Variants in NEMP2 observed in about 807,000 individuals in gnomAD.
NEMP2 encodes nuclear envelope integral membrane protein 2, also known as UPF0571 transmembrane protein.
A neutral mutation model predicts 54.2 loss-of-function variants in NEMP2; 53 were observed. That is an observed-to-expected ratio of 0.98 (90% CI 0.78 to 1.23). The LOEUF (loss-of-function observed/expected upper bound fraction) is 1.23, where lower values mean the gene tolerates loss of function less well. NEMP2 is among the 50% of genes most tolerant of loss of function. NEMP2 has a pLI of 0.00. For synonymous variants in NEMP2, 197 were observed against 190.3 expected, an observed-to-expected ratio of 1.04 and a Z score of -0.29; for missense variants, 455 against 511.3, an observed-to-expected ratio of 0.89 and a Z score of 1.06.
the NEMP2 span, among the ~76,000 whole-genome samples, chr2:190,442,393 C>G: frequency 6.6e-6 from 1 of 151,962 alleles, no homozygotes. Flanking sequence ...GGATCAGTAA[C>G]CTGAATTTCA....
the NEMP2 span, among the ~76,000 whole-genome samples, chr2:190,579,402 G>C: frequency 6.6e-6 from 1 of 151,958 alleles, no homozygotes; most frequent in South Asian, 2.1e-4. Flanking sequence ...ACATATTCAA[G>C]TGGAGCGAAG....
chr2:190,618,165 A>T, the NEMP2 span, among the ~76,000 whole-genome samples: 1 of 152,242 alleles, frequency 6.6e-6, no homozygotes, highest in Non-Finnish European at 1.5e-5. Flanking sequence ...GTGGTAACTC[A>T]TCAAGGCCTT....
the NEMP2 span, among the ~76,000 whole-genome samples, chr2:190,645,076 T>G: frequency 6.6e-6 from 1 of 152,212 alleles, no homozygotes; most frequent in Non-Finnish European, 1.5e-5. Flanking sequence ...AAACAAAAAC[T>G]AAGTCAAGAA....
the NEMP2 span, among the ~76,000 whole-genome samples, chr2:190,471,811 C>T: frequency 6.6e-5 from 10 of 152,316 alleles, no homozygotes; most frequent in East Asian, 9.7e-4. This position sits in a 1 kb window ranked among gnomAD's most constrained non-coding sequence, Gnocchi z 4.7. Flanking sequence ...GTCCCTGACC[C>T]GCAAGTAGCC....
the NEMP2 span, among the ~76,000 whole-genome samples, chr2:190,470,434 T>C: frequency 6.6e-6 from 1 of 152,238 alleles, no homozygotes; most frequent in Non-Finnish European, 1.5e-5. Flanking sequence ...TAGAAGGCTC[T>C]TGTCATGTAG....
At chr2:190,465,251 A>G in the NEMP2 span, among the ~76,000 whole-genome samples, 26 of 152,198 alleles carry the variant, frequency 1.7e-4, no homozygotes, top group Admixed American at 5.9e-4. The surrounding 1 kb of genome is among the most constrained non-coding windows in gnomAD (Gnocchi z 4.6). Flanking sequence ...CTTCTTATCA[A>G]TTGTGTTCCT....
At chr2:190,575,396 AGT>A in the NEMP2 span, among the ~76,000 whole-genome samples, 1 of 151,850 alleles carries the variant, frequency 6.6e-6, no homozygotes, top group Admixed American at 6.6e-5. Flanking sequence ...TTAAAAAAAA[AGT>A]GTGTTCTTTT....
chr2:190,598,454 C>T, the NEMP2 span, among the ~76,000 whole-genome samples: 1 of 152,212 alleles, frequency 6.6e-6, no homozygotes, highest in Non-Finnish European at 1.5e-5. Context: ...TGCTTTTCTA[C>T]ACTTCTTAAT....
the NEMP2 span, among the ~76,000 whole-genome samples, chr2:190,575,580 T>C: frequency 6.6e-6 from 1 of 152,210 alleles, no homozygotes; most frequent in Non-Finnish European, 1.5e-5. Flanking sequence ...CATACAACTC[T>C]GGGTTTTAAA....
chr2:190,450,026 A>T, the NEMP2 span, among the ~76,000 whole-genome samples: 18 of 152,298 alleles, frequency 1.2e-4, no homozygotes, highest in South Asian at 6.2e-4. Flanking sequence ...ATAATAAAAT[A>T]AAATTAAAAA....
At chr2:190,497,319 A>C in the NEMP2 span, 3 of 1,088,984 alleles carry the variant, frequency 2.8e-6, no homozygotes, top group Non-Finnish European at 1.3e-6. This position sits in a 1 kb window ranked among gnomAD's most constrained non-coding sequence, Gnocchi z 5.2. Flanking sequence ...GCAATTTATT[A>C]ATATTATCAA....
chr2:190,518,353 T>C (rs551588082), intron 4 of NEMP2, among the ~76,000 whole-genome samples: 14 of 152,286 alleles, frequency 9.2e-5, no homozygotes, highest in African/African-American at 3.1e-4. Flanking sequence ...GTGGCTCTAA[T>C]GTAATAGAGC....
At chr2:190,448,915 GTCC>G in the NEMP2 span, among the ~76,000 whole-genome samples, 1 of 152,022 alleles carries the variant, frequency 6.6e-6, no homozygotes, top group Non-Finnish European at 1.5e-5. Flanking sequence ...CAATATAACC[GTCC>G]TCCTGTAGAA....
At chr2:190,619,965 C>G in the NEMP2 span, among the ~76,000 whole-genome samples, 1 of 152,128 alleles carries the variant, frequency 6.6e-6, no homozygotes, top group Non-Finnish European at 1.5e-5. This position sits in a 1 kb window ranked among gnomAD's most constrained non-coding sequence, Gnocchi z 5.5. Flanking sequence ...TGCATTGGCT[C>G]TTGGGTCTCA....
chr2:190,454,993 TATGTATA>T, the NEMP2 span, among the ~76,000 whole-genome samples: 7,372 of 83,794 alleles, frequency 0.088, 291 homozygotes, highest in East Asian at 0.13. The surrounding 1 kb of genome is among the most constrained non-coding windows in gnomAD (Gnocchi z 4.6). Context: ...TGTATATGTA[TATGTATA>T]ATGTATATGT....
rs933190575 is a variant in NEMP2, at chr2:190,513,307, C to G, written c.953+1146G>C. Among the ~76,000 whole-genome samples, 1 of 152,192 alleles carries G rather than the reference C, an allele frequency of 6.6e-6. No homozygotes were observed. The highest frequency in any genetic ancestry group is 1.5e-5 in the Non-Finnish European group (1 of 68,038). On this transcript the variant is annotated intron_variant, in intron 7 of 8. Transcript: ENST00000409150. The surrounding 1 kb of genome is among the most constrained non-coding windows in gnomAD (Gnocchi z 5.3). Reference sequence around the variant, plus strand: ...ATTTCCAATTTTTCTAGAAAACCAGCAGATCTGGCAATACAGGACTCATAT... The same window carrying G: ...ATTTCCAATTTTTCTAGAAAACCAGGAGATCTGGCAATACAGGACTCATAT...
At chr2:190,456,778 A>G in the NEMP2 span, among the ~76,000 whole-genome samples, 1 of 152,228 alleles carries the variant, frequency 6.6e-6, no homozygotes, top group Non-Finnish European at 1.5e-5. The surrounding 1 kb of genome is among the most constrained non-coding windows in gnomAD (Gnocchi z 5.4). Context: ...CTGCCTCAGC[A>G]TCGATACCTG....
chr2:190,588,339 C>T, the NEMP2 span, among the ~76,000 whole-genome samples: 1 of 152,152 alleles, frequency 6.6e-6, no homozygotes, highest in Non-Finnish European at 1.5e-5. This position sits in a 1 kb window ranked among gnomAD's most constrained non-coding sequence, Gnocchi z 5.0. Flanking sequence ...AATAATCTCT[C>T]AATCTTTCTG....
chr2:190,568,968 G>C, the NEMP2 span, among the ~76,000 whole-genome samples: 1 of 151,892 alleles, frequency 6.6e-6, no homozygotes, highest in African/African-American at 2.4e-5. The surrounding 1 kb of genome is among the most constrained non-coding windows in gnomAD (Gnocchi z 4.7). Context: ...ATAATATCTG[G>C]AACTGAAAAA....
Sources: gnomAD v4.1 joint callset for allele counts (sites outside exome capture counted in the v4.1 genomes callset) on GRCh38, gnomAD v4.1.1 for gene constraint, Gnocchi (gnomAD v3.1) non-coding constraint, MANE v1.5 for transcripts, NCBI Gene and HGNC (gene_info 2026-07-23, HGNC 2026-07-21) for gene names.